Variants in SLIT3 observed in about 807,000 individuals in gnomAD.
The protein encoded by SLIT3 is slit homolog 3 protein.
SLIT3 carries 68 observed loss-of-function variants against 184.0 expected under a neutral mutation model. The ratio of observed to expected loss-of-function variants is 0.37; its 90% confidence interval spans 0.30 to 0.45. The LOEUF (loss-of-function observed/expected upper bound fraction) is 0.45. Ranked by LOEUF, SLIT3 falls within the 20% of genes least tolerant of loss-of-function variation. The probability of loss-of-function intolerance (pLI) is 1.00; values close to 1 mark genes in which losing one functional copy is unlikely to be tolerated. For missense variants in SLIT3, 1,707 were observed against 2,026.0 expected (o/e 0.84, Z 3.02); for synonymous variants, 831 against 828.6 (o/e 1.00, Z -0.05).
intron 4 of SLIT3, among the ~76,000 whole-genome samples, chr5:168,907,372 G>A (rs1162872961): frequency 6.6e-6 from 1 of 152,122 alleles, no homozygotes; most frequent in East Asian, 1.9e-4. Flanking sequence ...CACGTTGCTG[G>A]TTGATTGGTT....
At chr5:169,080,514 G>A (rs535844780) in intron 4 of SLIT3, among the ~76,000 whole-genome samples, 1 of 152,252 alleles carries the variant, frequency 6.6e-6, no homozygotes, top group South Asian at 2.1e-4. Context: ...TTGATCCCAG[G>A]GAGTCTGGTT....
chr5:169,087,944 C>G (rs1759376714), intron 4 of SLIT3, among the ~76,000 whole-genome samples: 1 of 152,188 alleles, frequency 6.6e-6, no homozygotes. Context: ...AACTTGGCAT[C>G]CCCCTACTTT....
At chr5:169,025,851 G>A (rs1756801001) in intron 4 of SLIT3, among the ~76,000 whole-genome samples, 1 of 152,188 alleles carries the variant, frequency 6.6e-6, no homozygotes, top group Non-Finnish European at 1.5e-5. Flanking sequence ...CCCAGGGCCT[G>A]CACTTTGTAT....
At chr5:168,791,937 C>T (rs1581087120) in intron 10 of SLIT3, 1 of 152,222 alleles carries the variant, frequency 6.6e-6, no homozygotes, top group African/African-American at 2.4e-5. Flanking sequence ...CACCATTCTA[C>T]TTTCTGCTTC....
chr5:168,727,203 C>T (rs1451234896), intron 20 of SLIT3, among the ~76,000 whole-genome samples: 6 of 151,952 alleles, frequency 3.9e-5, no homozygotes, highest in Non-Finnish European at 8.8e-5. Flanking sequence ...GCCTGTAGTC[C>T]CAGCTACTAG....
At chr5:169,003,784 C>A (rs1298734272) in intron 4 of SLIT3, among the ~76,000 whole-genome samples, 3 of 152,058 alleles carry the variant, frequency 2.0e-5, no homozygotes, top group Non-Finnish European at 2.9e-5. Flanking sequence ...TATGAAATGG[C>A]TTCATATTCC....
At chr5:168,793,499 GA>G (rs762194731) in intron 10 of SLIT3, among the ~76,000 whole-genome samples, 2 of 151,720 alleles carry the variant, frequency 1.3e-5, no homozygotes, top group East Asian at 1.9e-4. Flanking sequence ...CCTCTTGGGG[GA>G]AAAAAAGGGC....
chr5:168,740,575 G>A (rs918909864), intron 20 of SLIT3, among the ~76,000 whole-genome samples: 1 of 152,146 alleles, frequency 6.6e-6, no homozygotes, highest in East Asian at 1.9e-4. Context: ...TGAACCAGAG[G>A]CTCCCAGCCA....
intron 6 of SLIT3, among the ~76,000 whole-genome samples, chr5:168,838,005 T>A (rs529767490): frequency 6.6e-6 from 1 of 152,330 alleles, no homozygotes; most frequent in Admixed American, 6.5e-5. Context: ...TGTTGCTGAT[T>A]AAGCTGAGGT....
intron 5 of SLIT3, among the ~76,000 whole-genome samples, chr5:168,864,214 G>A (rs1023127924): frequency 6.6e-6 from 1 of 152,076 alleles, no homozygotes; most frequent in Non-Finnish European, 1.5e-5. Context: ...AAAGGCACAT[G>A]TGAACAAATA....
intron 19 of SLIT3, among the ~76,000 whole-genome samples, 162 bp downstream of exon 19, chr5:168,749,299 GCATGAAGGAGC>G (rs2113460876): frequency 6.6e-6 from 1 of 152,324 alleles, no homozygotes; most frequent in African/African-American, 2.4e-5. Flanking sequence ...TTCTTAATTT[GCATGAAGGAGC>G]CATGTGGGCT....
At chr5:169,146,175 GA>G (rs375155333) in intron 4 of SLIT3, among the ~76,000 whole-genome samples, 56 of 152,336 alleles carry the variant, frequency 3.7e-4, no homozygotes, top group African/African-American at 1.3e-3. Context: ...AGAAGAAACT[GA>G]GGCACGGATA....
At position 168,704,835 on chromosome 5, in the gene SLIT3, A is replaced by T. The variant is rs762053722; in HGVS notation, c.2844+3141T>A. Among the ~76,000 whole-genome samples, 53 of 152,116 alleles carry T rather than the reference A, an allele frequency of 3.5e-4. 1 individual carries two copies. Among genetic ancestry groups the T allele is most frequent in the Non-Finnish European group, 1.5e-5 (1 of 68,020 alleles). On this transcript the variant is annotated intron_variant, in intron 26 of 35. Transcript: ENST00000519560. ...GAACTTTGAGCTTGGTTTTGTGGGT[A>T]TCTGGGGATTTCTGTTAGCCACTCA... is the stretch of plus-strand genomic sequence containing the variant.
chr5:169,131,165 A>G (rs1037911023), intron 4 of SLIT3, among the ~76,000 whole-genome samples: 1 of 152,256 alleles, frequency 6.6e-6, no homozygotes, highest in African/African-American at 2.4e-5. Context: ...CTGCAACTAC[A>G]TTACTTAGCT....
chr5:168,983,298 C>A (rs1755013611), intron 4 of SLIT3, among the ~76,000 whole-genome samples: 1 of 152,234 alleles, frequency 6.6e-6, no homozygotes, highest in African/African-American at 2.4e-5. Flanking sequence ...GTAAACTCCC[C>A]AAGATCACCT....
In SLIT3 at chr5:169,178,956, G is replaced by A. The variant is rs141012384; in HGVS notation, c.413+14523C>T. ...GTGGGTGACGGGCCCATGATTGAATGATGGTAGGTTTGCAGAAAGGAGAAG... is the reference window on the plus strand; with the variant it reads ...GTGGGTGACGGGCCCATGATTGAATAATGGTAGGTTTGCAGAAAGGAGAAG... On this transcript the variant is annotated intron_variant, in intron 4 of 35. Transcript: ENST00000519560. Among the ~76,000 whole-genome samples the A allele has an allele frequency of 1.2e-3, 186 of 152,314 alleles. 1 individual carries two copies. The highest frequency in any genetic ancestry group is 0.012 in the South Asian group (57 of 4,824).
intron 1 of SLIT3, among the ~76,000 whole-genome samples, chr5:169,286,259 T>C (rs1385972714): frequency 6.6e-6 from 1 of 152,190 alleles, no homozygotes; most frequent in Admixed American, 6.5e-5. Flanking sequence ...GAATAAAACC[T>C]ACAAAGCCCC....
chr5:168,669,976 T>C lies in SLIT3; in HGVS notation c.4143A>G (p.Lys1381=). ...TGTATGAGGTCCCAGTTGCCACACA[T>C]TTTCCATGGTGGCATCTAGGGGCAG... ...PCLGHRCHHG[K]CVATGTSYMC... The change falls in exon 35 of 36, where the codon AAA becomes AAG. Residue 1381 remains lysine, a synonymous_variant. Coordinates refer to ENST00000519560, the MANE Select transcript of SLIT3 (RefSeq NM_003062.4). The C allele has an allele frequency of 3.1e-6, 5 of 1,613,874 alleles. No individual in the cohort carries two copies. In the South Asian group the frequency reaches 5.5e-5, roughly 18 times the overall value.
At chr5:168,774,162 G>A in intron 13 of SLIT3, 73 bp downstream of exon 13, 1 of 1,434,782 alleles carries the variant, frequency 7.0e-7, no homozygotes, top group East Asian at 2.3e-5. Flanking sequence ...CCTCATTTGG[G>A]TGTTTTTCAT....
Sources: allele counts gnomAD v4.1 joint callset (sites outside exome capture counted in the v4.1 genomes callset), GRCh38; gene constraint gnomAD v4.1.1; transcripts MANE v1.5; gene names NCBI Gene and HGNC (gene_info 2026-07-23, HGNC 2026-07-21).